Variants in PTPRD observed in about 807,000 individuals in gnomAD.
PTPRD encodes protein tyrosine phosphatase receptor type D.
PTPRD carries 34 observed loss-of-function variants against 214.5 expected under a neutral mutation model. The ratio of observed to expected loss-of-function variants is 0.16; its 90% CI spans 0.12 to 0.21. The LOEUF is 0.21. Among genes scored for constraint, PTPRD ranks in the 10% least tolerant of loss-of-function variants. PTPRD has a pLI of 1.00. For synonymous variants in PTPRD, 1,128 were observed against 845.7 expected (o/e 1.33, Z -5.79); for missense variants, 2,545 against 2,398.7 (o/e 1.06, Z -1.27).
intron 4 of PTPRD, among the ~76,000 whole-genome samples, chr9:10,029,006 G>T (rs1030789076): frequency 3.9e-5 from 6 of 152,232 alleles, no homozygotes; most frequent in Admixed American, 3.9e-4. Flanking sequence ...GGGACTTGGT[G>T]CCCTGTGTCC....
chr9:9,113,152 A>AT (rs2099808535), intron 10 of PTPRD, among the ~76,000 whole-genome samples: 2 of 151,380 alleles, frequency 1.3e-5, no homozygotes, highest in South Asian at 4.2e-4. Context: ...TATATATATT[A>AT]TTTTTTAGAG....
At chr9:8,665,126 G>C (rs2097145486) in intron 12 of PTPRD, among the ~76,000 whole-genome samples, 1 of 152,084 alleles carries the variant, frequency 6.6e-6, no homozygotes, top group Non-Finnish European at 1.5e-5. Flanking sequence ...GAATTTTTTT[G>C]GAGGGAGGGT....
chr9:9,598,460 TA>T (rs113598941), intron 7 of PTPRD, among the ~76,000 whole-genome samples: 1 of 151,822 alleles, frequency 6.6e-6, no homozygotes, highest in Admixed American at 6.6e-5. Flanking sequence ...TCCACTTTGT[TA>T]AAAAAACAGT....
intron 36 of PTPRD, among the ~76,000 whole-genome samples, chr9:8,403,423 C>T (rs1012297717): frequency 2.4e-4 from 37 of 152,162 alleles, no homozygotes; most frequent in Non-Finnish European, 5.0e-4. Context: ...ATGGCATGTG[C>T]CAAGGGTGAC....
intron 3 of PTPRD, among the ~76,000 whole-genome samples, chr9:10,278,532 A>G (rs2094868124): frequency 6.6e-6 from 1 of 152,168 alleles, no homozygotes; most frequent in African/African-American, 2.4e-5. Context: ...ACTGCAGAAC[A>G]GGAAAGAAAG....
intron 14 of PTPRD, among the ~76,000 whole-genome samples, chr9:8,549,924 T>G (rs1195236913): frequency 6.6e-6 from 1 of 152,162 alleles, no homozygotes; most frequent in Non-Finnish European, 1.5e-5. Flanking sequence ...TATTCAGATC[T>G]CCATTCATAT....
intron 11 of PTPRD, among the ~76,000 whole-genome samples, chr9:8,791,825 G>C (rs1265226944): frequency 1.3e-5 from 2 of 152,062 alleles, no homozygotes; most frequent in African/African-American, 4.8e-5. Context: ...TTTGACCCAG[G>C]TGTTTTAACT....
chr9:8,512,215 G>A (rs558378017), intron 21 of PTPRD, among the ~76,000 whole-genome samples: 83 of 152,068 alleles, frequency 5.5e-4, no homozygotes, highest in Non-Finnish European at 1.0e-3. Flanking sequence ...GAATTATAAC[G>A]GTAGTAAAAC....
chr9:9,733,129 C>G (rs1452250377), intron 7 of PTPRD, among the ~76,000 whole-genome samples: 1 of 152,132 alleles, frequency 6.6e-6, no homozygotes, highest in Non-Finnish European at 1.5e-5. Flanking sequence ...CAGAAGCTTG[C>G]CTTCACTGTG....
intron 5 of PTPRD, among the ~76,000 whole-genome samples, chr9:9,825,847 A>G (rs1170222930): frequency 6.6e-6 from 1 of 151,482 alleles, no homozygotes; most frequent in Non-Finnish European, 1.5e-5. Flanking sequence ...TCTTCCTTTT[A>G]TTAGTCAATT....
At chr9:10,530,870 A>C (rs990869732) in intron 2 of PTPRD, among the ~76,000 whole-genome samples, 1 of 152,164 alleles carries the variant, frequency 6.6e-6, no homozygotes, top group African/African-American at 2.4e-5. Flanking sequence ...TGCTAAATGT[A>C]GAAGATATTA....
rs1487261253 is a variant in PTPRD at position 8,316,274 on chromosome 9, C to T, written c.*1600G>A. The T allele has an allele frequency of 3.5e-5, 8 of 229,774 alleles. No homozygotes were observed. The highest frequency in any genetic ancestry group is 1.1e-4 in the Admixed American group (2 of 17,586). The allele number at this position is 229,774 out of a possible 1,614,324, so 14.2% of individuals were successfully genotyped here. A position where few individuals can be genotyped will look rare whatever the true frequency, so the allele number is the denominator to read the frequency against. Reference sequence around the variant, plus strand: ...ATGCTTTAATAGAAAGTAACAGATACGAACAGTGAATGGAAATACGAACCA... The same window carrying T: ...ATGCTTTAATAGAAAGTAACAGATATGAACAGTGAATGGAAATACGAACCA... On this transcript the variant is annotated 3_prime_UTR_variant, in exon 46 of 46. Transcript: ENST00000381196.
intron 7 of PTPRD, among the ~76,000 whole-genome samples, chr9:9,582,517 A>G (rs2091053178): frequency 6.6e-6 from 1 of 151,314 alleles, no homozygotes; most frequent in Admixed American, 6.6e-5. Flanking sequence ...AATCTGAGAG[A>G]TAAATAAATT....
At chr9:9,333,523 T>TATATATATATATATATATATATATATAA (rs2043194357) in intron 9 of PTPRD, among the ~76,000 whole-genome samples, 1 of 140,342 alleles carries the variant, frequency 7.1e-6, no homozygotes, top group African/African-American at 3.0e-5. Flanking sequence ...TATATATATA[T>TATATATATATATATATATATATATATAA]ATAAAGTCTG....
chr9:9,563,732 C>A (rs1330520593), intron 8 of PTPRD, among the ~76,000 whole-genome samples: 1 of 152,112 alleles, frequency 6.6e-6, no homozygotes, highest in East Asian at 1.9e-4. Context: ...CCCATGCATC[C>A]AATATATGAT....
At chr9:9,952,111 G>A (rs577556730) in intron 4 of PTPRD, among the ~76,000 whole-genome samples, 1 of 152,302 alleles carries the variant, frequency 6.6e-6, no homozygotes, top group South Asian at 2.1e-4. Flanking sequence ...GACAAGATCT[G>A]AGAACTCACC....
intron 2 of PTPRD, among the ~76,000 whole-genome samples, chr9:10,540,806 A>C (rs1479132433): frequency 6.6e-6 from 1 of 151,806 alleles, no homozygotes; most frequent in Non-Finnish European, 1.5e-5. Context: ...GTAGACTCAG[A>C]CTAGAACTTA....
chr9:9,685,070 G>T (rs949989212), intron 7 of PTPRD, among the ~76,000 whole-genome samples: 2 of 151,338 alleles, frequency 1.3e-5, no homozygotes, highest in Admixed American at 1.3e-4. Context: ...ACTTTTACAG[G>T]TGAATTTTTG....
chr9:10,468,501 A>G (rs901750694), intron 2 of PTPRD, among the ~76,000 whole-genome samples: 1 of 152,104 alleles, frequency 6.6e-6, no homozygotes, highest in African/African-American at 2.4e-5. Context: ...CCTGTTGGGC[A>G]GTAGGGGGCC....
Sources: gnomAD v4.1 joint callset for allele counts (sites outside exome capture counted in the v4.1 genomes callset) on GRCh38, gnomAD v4.1.1 for gene constraint, MANE v1.5 for transcripts, NCBI Gene and HGNC (gene_info 2026-07-23, HGNC 2026-07-21) for gene names.